The following GRHL3 variants were observed in gnomAD, a reference collection of about 807,000 sequenced individuals.
GRHL3 encodes the protein grainyhead-like protein 3 homolog.
A neutral mutation model predicts 70.3 loss-of-function variants in GRHL3; 20 were observed. That is an observed-to-expected ratio of 0.28 (90% CI 0.20 to 0.41). The LOEUF (loss-of-function observed/expected upper bound fraction) is 0.41, where lower values mean the gene tolerates loss of function less well. Among genes scored for constraint, GRHL3 ranks in the 10% least tolerant of loss-of-function variants. The pLI, the probability that GRHL3 is intolerant of heterozygous loss-of-function variation, is 1.00. For missense variants in GRHL3, 637 were observed against 762.3 expected (o/e 0.84, Z 1.94); for synonymous variants, 299 against 299.9 (o/e 1.00, Z 0.03).
downstream of GRHL3, among the ~76,000 whole-genome samples, chr1:24,356,227 C>T (rs1422809333): frequency 6.7e-6 from 1 of 148,432 alleles, no homozygotes; most frequent in East Asian, 2.0e-4. Context: ...ATCAGTTCCT[C>T]CATTGCCTCA....
In GRHL3 at chr1:24,336,654, C is replaced by G. The variant is rs778111145; in HGVS notation, c.439C>G (p.Pro147Ala). 6.2e-7 allele frequency: 1 copy of G among 1,613,988 alleles called. No homozygotes were observed. The highest frequency in any genetic ancestry group is 1.3e-5 in the African/African-American group (1 of 74,918). Residue 147 changes from proline (P) to alanine (A), a missense_variant, in exon 4 of 16, where the codon CCC (proline) becomes GCC (alanine). This residue lies in a region of GRHL3 where 250 missense variants were observed against 248.6 expected (regional missense o/e 1.01). Transcript: ENST00000361548. The part of the protein sequence containing the change: ...GALPTPGKAA[P>A]LPAGPSKLEA... ...CTTGCCCACCCCTGGCAAGGCAGCT[C>G]CCCTCCCTGCAGGCCCCAGCAAGCT...
chr1:24,354,507 A>T lies in GRHL3; in HGVS notation c.*19A>T. On this transcript the variant is annotated 3_prime_UTR_variant, in exon 16 of 16. Transcript: ENST00000361548. ...GCTGTAAGGCCTCTCGAGCATCCAA[A>T]CCCTCACGACCTGCAAGGGGCCAGC... 1 of 1,488,772 alleles carries T rather than the reference A, an allele frequency of 6.7e-7. No individual in the cohort carries two copies. Among genetic ancestry groups the T allele is most frequent in the South Asian group, 1.1e-5 (1 of 88,332 alleles). 92.2% of individuals were successfully genotyped at this position (1,488,772 alleles called of 1,614,324 possible).
chr1:24,356,721 G>T (rs1282519305), downstream of GRHL3, among the ~76,000 whole-genome samples: 1 of 152,190 alleles, frequency 6.6e-6, no homozygotes, highest in Admixed American at 6.5e-5. Context: ...GGGTCTCCAA[G>T]GCCACTACAA....
intron 15 of GRHL3, chr1:24,361,033 G>A (rs142852156): frequency 1.8e-4 from 289 of 1,604,688 alleles, no homozygotes; most frequent in Middle Eastern, 1.5e-3. Context: ...GTTCAGGATG[G>A]GGTTTTTCCT....
intron 2 of GRHL3, among the ~76,000 whole-genome samples, chr1:24,333,177 A>T (rs1639672487): frequency 6.6e-6 from 1 of 152,164 alleles, no homozygotes; most frequent in Non-Finnish European, 1.5e-5. Flanking sequence ...TCTCAGTGAG[A>T]TACACCTGCC....
At chr1:24,356,356 C>G (rs1640718877), downstream of GRHL3, among the ~76,000 whole-genome samples, 1 of 152,188 alleles carries the variant, frequency 6.6e-6, no homozygotes, top group South Asian at 2.1e-4. Flanking sequence ...CATTCTGCCT[C>G]AGCCTCCTGA....
intron 11 of GRHL3, 101 bp from the exon 12 acceptor site, chr1:24,344,796 A>G: frequency 7.6e-7 from 1 of 1,316,126 alleles, no homozygotes; most frequent in South Asian, 1.2e-5. Context: ...TATTCTCCCC[A>G]CCTCCCACCA....
At position 24,338,057 on chromosome 1, in the gene GRHL3, C is replaced by T. The variant is rs148250711; in HGVS notation, c.906C>T (p.His302=). The T allele has an allele frequency of 3.7e-6, 6 of 1,613,176 alleles. No individual in the cohort carries two copies. The African/African-American group carries it at 4.0e-5, about 11-fold the overall frequency. Residue 302 remains histidine (H), a synonymous_variant, in exon 7 of 16, where the codon CAC becomes CAT. Transcript: ENST00000361548. ...TAGAGCAGCTGCGCTTCTGGAAGCA[C>T]TGGCATTCCCGGCAACCCACTGCCA... ...VPVEQLRFWK[H]WHSRQPTAKQ...
intron 2 of GRHL3, among the ~76,000 whole-genome samples, chr1:24,332,942 C>T (rs146935932): frequency 9.1e-4 from 138 of 152,182 alleles, no homozygotes; most frequent in African/African-American, 3.1e-3. Flanking sequence ...CAGCCCAGGT[C>T]GATGGAAGAG....
intron 15 of GRHL3, among the ~76,000 whole-genome samples, chr1:24,353,952 C>T (rs777518088): frequency 1.3e-5 from 2 of 152,166 alleles, no homozygotes; most frequent in South Asian, 2.1e-4. Context: ...CTGAGGGACA[C>T]ATCCTAGCCT....
chr1:24,352,943 C>T (rs558360115), intron 15 of GRHL3, among the ~76,000 whole-genome samples: 22 of 152,310 alleles, frequency 1.4e-4, no homozygotes, highest in African/African-American at 4.6e-4. Context: ...GCCATGCCTT[C>T]GGGTCCATGT....
At position 24,350,096 on chromosome 1, in the gene GRHL3, C is replaced by G; in HGVS notation, c.1668C>G (p.Tyr556Ter). ...ATGGGTTCCCTGAAGAGAACATTTA[C>G]AAAGTCTACAAGAAATGCAAGCGAG... ...EKYGFPEENI[Y>*]KVYKKCKRGI... is the part of the protein sequence containing the mutation. Residue 556 changes from tyrosine (Y) to a stop codon, truncating the protein, a stop_gained, in exon 15 of 16, where the codon TAC becomes TAG. Coordinates refer to ENST00000361548, the MANE Select transcript of GRHL3 (RefSeq NM_198173.3). LOFTEE classifies it high-confidence loss of function. 6.2e-7 allele frequency: 1 copy of G among 1,613,822 alleles called. No homozygotes were observed.
chr1:24,350,381 G>T (rs539181601), intron 15 of GRHL3, among the ~76,000 whole-genome samples: 4 of 152,180 alleles, frequency 2.6e-5, no homozygotes, highest in African/African-American at 9.7e-5. Flanking sequence ...AGGGTCATGT[G>T]TCAGAAGACC....
intron 1 of GRHL3, among the ~76,000 whole-genome samples, chr1:24,326,944 G>T (rs763873995): frequency 1.3e-5 from 2 of 152,192 alleles, no homozygotes; most frequent in African/African-American, 2.4e-5. Flanking sequence ...GTTGGGCAAG[G>T]TGTTATTACA....
At chr1:24,350,434 GATA>G (rs1640459407) in intron 15 of GRHL3, among the ~76,000 whole-genome samples, 1 of 152,202 alleles carries the variant, frequency 6.6e-6, no homozygotes. Context: ...TGATTATAAA[GATA>G]ATGATTATAG....
chr1:24,323,158 C>A (rs1340331690), intron 1 of GRHL3: 3 of 1,264,900 alleles, frequency 2.4e-6, no homozygotes, highest in African/African-American at 3.0e-5. Flanking sequence ...TTTTACAAAC[C>A]TATGTTACCT....
Position 24,322,940 on chromosome 1 carries a change from C to G in GRHL3, c.17+3372C>G. The G allele has an allele frequency of 1.5e-6, 1 of 680,208 alleles. No individual in the cohort carries two copies. Among genetic ancestry groups the G allele is most frequent in the Non-Finnish European group, 2.5e-6 (1 of 394,212 alleles). The allele number at this position is 680,208 out of a possible 1,614,324, so 42.1% of individuals were successfully genotyped here. Reference sequence around the variant, plus strand: ...GGGACCCAGACCTGGTTCAGGCTTGCCCAAGGTCTCACGGAAGCACTGGGA... The same window carrying G: ...GGGACCCAGACCTGGTTCAGGCTTGGCCAAGGTCTCACGGAAGCACTGGGA... On this transcript the variant is annotated intron_variant, in intron 1 of 15. Transcript: ENST00000361548. This position sits in a 1 kb window ranked among gnomAD's most constrained non-coding sequence, Gnocchi z 4.4.
At chr1:24,353,722 G>T (rs1640605575) in intron 15 of GRHL3, among the ~76,000 whole-genome samples, 1 of 152,170 alleles carries the variant, frequency 6.6e-6, no homozygotes, top group Admixed American at 6.5e-5. Flanking sequence ...CTAGAGGGCT[G>T]CTCTTTCTTT....
At position 24,322,418 on chromosome 1, in the gene GRHL3, G is replaced by GT; in HGVS notation, c.17+2854dup. Among the ~76,000 whole-genome samples, 1 of 152,366 alleles carries GT rather than the reference G, an allele frequency of 6.6e-6. No individual in the cohort carries two copies. Among genetic ancestry groups the GT allele is most frequent in the South Asian group, 2.1e-4 (1 of 4,832 alleles). On this transcript the variant is annotated intron_variant, in intron 1 of 15. Coordinates refer to ENST00000361548, the MANE Select transcript of GRHL3 (RefSeq NM_198173.3). The surrounding 1 kb of genome is among the most constrained non-coding windows in gnomAD (Gnocchi z 4.4). The stretch of plus-strand genomic sequence containing the variant: ...TAATCAGGAACGCCTCCCCGCTGTG[G>GT]TTTTGTGGTCGAAACCATGATTGCC...
Sources: allele counts gnomAD v4.1 joint callset (sites outside exome capture counted in the v4.1 genomes callset), GRCh38; gene constraint gnomAD v4.1.1; regional missense constraint gnomAD v4.1.1; non-coding constraint Gnocchi (gnomAD v3.1); transcripts MANE v1.5; gene names NCBI Gene and HGNC (gene_info 2026-07-23, HGNC 2026-07-21).